Variants in ACADVL observed in about 807,000 individuals in gnomAD.
ACADVL encodes the protein acyl-CoA dehydrogenase very long chain.
ACADVL carries 73 observed loss-of-function variants against 80.4 expected under a neutral mutation model. The ratio of observed to expected loss-of-function variants is 0.91; its 90% confidence interval spans 0.75 to 1.10. The LOEUF (loss-of-function observed/expected upper bound fraction) is 1.10, where lower values mean the gene tolerates loss of function less well. Among genes scored for constraint, ACADVL ranks in the 50% least tolerant of loss-of-function variants. The probability of loss-of-function intolerance (pLI) is 0.00; values close to 1 mark genes in which losing one functional copy is unlikely to be tolerated. For synonymous variants in ACADVL, 392 were observed against 326.5 expected (o/e 1.20, Z -2.16); for missense variants, 878 against 858.9 (o/e 1.02, Z -0.28).
chr17:7,219,827 AG>A, upstream of ACADVL: 1 of 1,533,932 alleles, frequency 6.5e-7, no homozygotes, highest in Non-Finnish European at 8.8e-7. Flanking sequence ...GCCGGGCTCC[AG>A]GGAACTACAG....
At chr17:7,218,473 C>T, upstream of ACADVL, 2 of 1,492,088 alleles carry the variant, frequency 1.3e-6, no homozygotes, top group Non-Finnish European at 9.1e-7. Context: ...CTCTGGGCTC[C>T]CAAACAGCCC....
chr17:7,224,090 G>A, intron 14 of ACADVL, 21 bp downstream of exon 14: 1 of 1,613,958 alleles, frequency 6.2e-7, no homozygotes, highest in South Asian at 1.1e-5. Flanking sequence ...GAATTGGGTG[G>A]GGGTAGAGGT....
chr17:7,219,391 G>A, upstream of ACADVL: 1 of 1,013,100 alleles, frequency 9.9e-7, no homozygotes, highest in African/African-American at 1.7e-5. Flanking sequence ...CAGTGAATCT[G>A]GGGGGGTCTT....
upstream of ACADVL, chr17:7,219,512 C>A (rs1433818181): frequency 9.4e-7 from 1 of 1,068,972 alleles, no homozygotes; most frequent in Non-Finnish European, 1.1e-6. Context: ...ACTGTACCCT[C>A]CCTTTTGTGT....
intron 9 of ACADVL, 67 bp from the exon 10 acceptor site, chr17:7,222,600 G>A (rs1481555448): frequency 6.8e-7 from 1 of 1,475,452 alleles, no homozygotes; most frequent in Non-Finnish European, 9.3e-7. Context: ...AGGAGCGAAG[G>A]AGCAGTTTTT....
At position 7,225,164 on chromosome 17, in the gene ACADVL, T is replaced by C. The variant is rs936466700; in HGVS notation, c.*67T>C. The C allele has an allele frequency of 9.3e-6, 15 of 1,609,256 alleles. No individual in the cohort carries two copies. The highest frequency in any genetic ancestry group is 1.3e-5 in the African/African-American group (1 of 74,890). On this transcript the variant is annotated 3_prime_UTR_variant, in exon 20 of 20. Transcript: ENST00000356839. ...CAAGCCAAAGCCGAAGCCCCTTTCC[T>C]TAAGGCCCTGGTTTGTCCCGAAGGG...
Position 7,223,651 on chromosome 17 carries a change from C to T in ACADVL, c.1190C>T (p.Ala397Val). 1.9e-6 allele frequency: 3 copies of T among 1,614,118 alleles called. No individual in the cohort carries two copies. Among genetic ancestry groups the T allele is most frequent in the Non-Finnish European group, 2.5e-6 (3 of 1,180,016 alleles). The change falls in exon 12 of 20, where the codon GCT becomes GTT. Residue 397 changes from alanine (A) to valine (V), a missense_variant. Coordinates refer to ENST00000356839, the MANE Select transcript of ACADVL (RefSeq NM_000018.4). ...VMLQYVTESM[A>V]YMVSANMDQG... ...CCAACTATGCAACCTCAGTCCATGGCTTACATGGTGAGTGCTAACATGGAC... is the reference window on the plus strand; with the variant it reads ...CCAACTATGCAACCTCAGTCCATGGTTTACATGGTGAGTGCTAACATGGAC...
upstream of ACADVL, chr17:7,218,390 C>A: frequency 7.1e-7 from 1 of 1,416,766 alleles, no homozygotes; most frequent in Non-Finnish European, 9.8e-7. Flanking sequence ...CCCTTTCAGC[C>A]AAGGCTGGTC....
At chr17:7,217,594 C>A, upstream of ACADVL, 1 of 1,364,076 alleles carries the variant, frequency 7.3e-7, no homozygotes, top group South Asian at 1.5e-5. Context: ...GCCGAGGGAG[C>A]CGTGGAGCCG....
chr17:7,218,594 C>G (rs868394742), upstream of ACADVL: 1 of 1,566,762 alleles, frequency 6.4e-7, no homozygotes, highest in Non-Finnish European at 8.7e-7. Context: ...TGGGGGTGCC[C>G]ACCGCAGCAG....
rs1042431830 is a variant in ACADVL at position 7,219,964 on chromosome 17, G to A, written c.-21G>A. The A allele has an allele frequency of 5.7e-6, 9 of 1,572,126 alleles. No homozygotes were observed. Among genetic ancestry groups the A allele is most frequent in the Non-Finnish European group, 7.8e-6 (9 of 1,157,962 alleles). ...GAGCTGGGTCAGAGCTCGAGCCAGC[G>A]GCGCCCGGAGAGATTCGGAGATGCA... On this transcript the variant is annotated 5_prime_UTR_variant, in exon 1 of 20. Transcript: ENST00000356839.
upstream of ACADVL, chr17:7,218,864 A>G: frequency 6.2e-7 from 1 of 1,613,166 alleles, no homozygotes; most frequent in Non-Finnish European, 8.5e-7. Flanking sequence ...CTCTTCTCTC[A>G]CTTTAATCTC....
upstream of ACADVL, chr17:7,217,194 C>G: frequency 7.9e-7 from 1 of 1,268,336 alleles, no homozygotes; most frequent in Non-Finnish European, 1.0e-6. Flanking sequence ...CTGACTTCAT[C>G]GGAGTTTCGT....
In ACADVL at chr17:7,220,827, C is replaced by T. The variant is rs750653177; in HGVS notation, c.339C>T (p.Phe113=). Reference sequence around the variant, plus strand: ...TGGTGGAGCCTGTGTCCCGTTTCTTCGAGGTAAGGAATGACTCGGGGCTTG... The same window carrying T: ...TGGTGGAGCCTGTGTCCCGTTTCTTTGAGGTAAGGAATGACTCGGGGCTTG... ...KELVEPVSRF[F]EEVNDPAKND... The change falls in exon 5 of 20, where the codon TTC becomes TTT. Residue 113 remains phenylalanine (F), a synonymous_variant. Transcript: ENST00000356839. The T allele has an allele frequency of 1.2e-6, 2 of 1,613,938 alleles. No individual in the cohort carries two copies. The highest frequency in any genetic ancestry group is 2.2e-5 in the East Asian group (1 of 44,898).
At chr17:7,224,772 C>T (rs548102782) in intron 18 of ACADVL, 37 bp from the exon 19 acceptor site, 17 of 1,613,654 alleles carry the variant, frequency 1.1e-5, no homozygotes, top group African/African-American at 8.0e-5. Flanking sequence ...GGATCCCAGC[C>T]GGCCCAGATT....
chr17:7,223,028 C>T, intron 10 of ACADVL, 105 bp from the exon 11 acceptor site: 2 of 1,458,946 alleles, frequency 1.4e-6, no homozygotes, highest in Non-Finnish European at 1.9e-6. Context: ...AGACTGAACT[C>T]TGGTTGTATG....
intron 10 of ACADVL, 81 bp from the exon 11 acceptor site, chr17:7,223,052 T>A (rs1303726696): frequency 2.0e-6 from 3 of 1,504,040 alleles, no homozygotes; most frequent in Non-Finnish European, 2.8e-6. Flanking sequence ...AACCCATCCC[T>A]CTGGCGCAAG....
upstream of ACADVL, chr17:7,218,635 G>A: frequency 6.4e-7 from 1 of 1,560,568 alleles, no homozygotes; most frequent in Non-Finnish European, 8.7e-7. Flanking sequence ...GGGCTGACCT[G>A]GGAGCTAGTG....
upstream of ACADVL, chr17:7,217,170 G>A: frequency 7.8e-7 from 1 of 1,285,310 alleles, no homozygotes. Context: ...GGCCGCGGCG[G>A]CGGGTAAGGG....
Sources: allele counts gnomAD v4.1 joint callset, GRCh38; gene constraint gnomAD v4.1.1; transcripts MANE v1.5; gene names NCBI Gene and HGNC (gene_info 2026-07-23, HGNC 2026-07-21).